PCDH11Y: variants seen among roughly 807,000 people sequenced by gnomAD.
PCDH11Y encodes the protein protocadherin 11 Y-linked, also known as protocadherin-11 Y-linked.
For synonymous variants in PCDH11Y, 9 were observed against 83.6 expected, an observed-to-expected ratio of 0.11 and a Z score of 4.87; for missense variants, 12 against 224.8, an observed-to-expected ratio of 0.05 and a Z score of 6.05.
chrY:5,454,986 C>CA (rs2053296423), intron 2 of PCDH11Y, among the ~76,000 whole-genome samples: 17 of 33,410 alleles, frequency 5.1e-4, no homozygotes, highest in Non-Finnish European at 1.0e-3. Flanking sequence ...ATTCCTCTCC[C>CA]AAAAAAGCTT....
At chrY:5,674,254 T>C in intron 4 of PCDH11Y, among the ~76,000 whole-genome samples, 1 of 33,617 alleles carries the variant, frequency 3.0e-5, no homozygotes, top group Non-Finnish European at 7.4e-5. Flanking sequence ...GATGTGTATT[T>C]TTGTTTCTGC....
At chrY:5,003,150 C>T in intron 1 of PCDH11Y, among the ~76,000 whole-genome samples, 1 of 34,030 alleles carries the variant, frequency 2.9e-5, no homozygotes, top group Non-Finnish European at 7.5e-5. Context: ...GCGGGGGTGG[C>T]CACTGCTGGC....
chrY:5,122,628 C>A, intron 2 of PCDH11Y, among the ~76,000 whole-genome samples: 2 of 30,573 alleles, frequency 6.5e-5, no homozygotes, highest in Non-Finnish European at 1.6e-4. Context: ...AACTTTGCCC[C>A]ATCCCTGTAA....
At chrY:5,435,211 G>C in intron 2 of PCDH11Y, among the ~76,000 whole-genome samples, 4 of 33,013 alleles carry the variant, frequency 1.2e-4, no homozygotes, top group Non-Finnish European at 3.0e-4. Context: ...TTCTTATCAG[G>C]AGAAAGTCCT....
intron 2 of PCDH11Y, among the ~76,000 whole-genome samples, chrY:5,486,177 C>G: frequency 3.0e-5 from 1 of 33,167 alleles, no homozygotes. Context: ...AAGAATGATT[C>G]TTCTGCAACG....
intron 4 of PCDH11Y, among the ~76,000 whole-genome samples, chrY:5,718,619 T>A: frequency 2.9e-5 from 1 of 34,035 alleles, no homozygotes; most frequent in Non-Finnish European, 7.3e-5. Flanking sequence ...CCCAGCCATG[T>A]GGAACTGTGA....
intron 2 of PCDH11Y, among the ~76,000 whole-genome samples, chrY:5,417,983 A>G (rs2053254533): frequency 5.9e-5 from 2 of 33,780 alleles, no homozygotes; most frequent in African/African-American, 2.3e-4. Context: ...TGTCAAACAT[A>G]TGAAATTGAA....
chrY:5,205,843 G>GA lies in PCDH11Y; in HGVS notation c.3129+105142dup, dbSNP rs2052931745. Among the ~76,000 whole-genome samples, 3 of 30,074 alleles carry GA rather than the reference G, an allele frequency of 1.0e-4. No homozygotes were observed. In the South Asian group the frequency reaches 2.2e-3, roughly 22 times the overall value. The allele number at this position is 30,074 out of a possible 37,273, so 80.7% of individuals were successfully genotyped here. A position where few individuals can be genotyped will look rare whatever the true frequency, so the allele number is the denominator to read the frequency against. On this transcript the variant is annotated intron_variant, in intron 2 of 4. Transcript: ENST00000400457. ...ATCATTGAATGAAGAATTGATTAAGGAAAAAATGAAGGAGAACCAAGTTCC... is the reference window on the plus strand; with the variant it reads ...ATCATTGAATGAAGAATTGATTAAGGAAAAAAATGAAGGAGAACCAAGTTCC...
At chrY:5,679,372 G>A (rs2053556251) in intron 4 of PCDH11Y, among the ~76,000 whole-genome samples, 3 of 33,573 alleles carry the variant, frequency 8.9e-5, no homozygotes, top group Non-Finnish European at 2.2e-4. Context: ...TCTCACAGAT[G>A]ACTTATCTAG....
chrY:5,064,747 C>T, intron 1 of PCDH11Y, among the ~76,000 whole-genome samples: 2 of 26,367 alleles, frequency 7.6e-5, no homozygotes. Context: ...CTTGCTCTGT[C>T]GCCCAGGCTA....
intron 2 of PCDH11Y, among the ~76,000 whole-genome samples, chrY:5,459,488 T>G: frequency 3.1e-5 from 1 of 31,916 alleles, no homozygotes; most frequent in Non-Finnish European, 7.7e-5. Flanking sequence ...TACTTTTATA[T>G]AGAAGTAAAT....
At chrY:5,307,328 T>C (rs2124663989) in intron 2 of PCDH11Y, among the ~76,000 whole-genome samples, 12 of 33,372 alleles carry the variant, frequency 3.6e-4, no homozygotes, top group Non-Finnish European at 7.4e-4. Context: ...AGCATTAACA[T>C]GATGGCATGT....
At chrY:5,617,041 A>C (rs2124701714) in intron 4 of PCDH11Y, among the ~76,000 whole-genome samples, 1 of 32,439 alleles carries the variant, frequency 3.1e-5, no homozygotes, top group South Asian at 6.9e-4. Context: ...AAACAAGGCT[A>C]ATATAGGACT....
chrY:5,742,031 T>A (rs2053617968), exon 5 of PCDH11Y: 1 of 31,703 alleles, frequency 3.2e-5, no homozygotes, highest in Non-Finnish European at 7.8e-5. Flanking sequence ...CTCTGTGATA[T>A]CATACAGCAT....
chrY:5,422,602 G>A, intron 2 of PCDH11Y, among the ~76,000 whole-genome samples: 8 of 32,975 alleles, frequency 2.4e-4, no homozygotes, highest in African/African-American at 8.2e-4. Context: ...TATATAGACC[G>A]ATGGAATAGA....
At chrY:5,116,023 A>G (rs2124639579) in intron 2 of PCDH11Y, among the ~76,000 whole-genome samples, 1 of 33,337 alleles carries the variant, frequency 3.0e-5, no homozygotes, top group Admixed American at 2.7e-4. Flanking sequence ...TACAGGCGTG[A>G]GCCACCGCGC....
At chrY:5,534,866 C>T in intron 3 of PCDH11Y, among the ~76,000 whole-genome samples, 2 of 33,500 alleles carry the variant, frequency 6.0e-5, no homozygotes, top group African/African-American at 2.3e-4. Flanking sequence ...TATCTCATTG[C>T]GGTTTTGATT....
intron 3 of PCDH11Y, among the ~76,000 whole-genome samples, chrY:5,508,873 T>C: frequency 2.1e-4 from 7 of 32,586 alleles, no homozygotes; most frequent in African/African-American, 7.2e-4. Flanking sequence ...GAATCTCTAG[T>C]GCCCCTTCTA....
At chrY:5,480,691 G>A in intron 2 of PCDH11Y, among the ~76,000 whole-genome samples, 1 of 33,057 alleles carries the variant, frequency 3.0e-5, no homozygotes, top group Non-Finnish European at 7.4e-5. Flanking sequence ...AGGGAAATGG[G>A]GGTTTTGTCT....
Sources: gnomAD v4.1 joint callset for allele counts (sites outside exome capture counted in the v4.1 genomes callset) on GRCh38, gnomAD v4.1.1 for gene constraint, MANE v1.5 for transcripts, NCBI Gene and HGNC (gene_info 2026-07-23, HGNC 2026-07-21) for gene names.